Variants in DNER observed in about 807,000 individuals in gnomAD.
DNER encodes delta and Notch-like epidermal growth factor-related receptor.
Under a neutral mutation model 78.2 loss-of-function variants are expected in DNER, and 33 were observed. That is an observed-to-expected ratio of 0.42 (90% CI 0.32 to 0.56). DNER has a LOEUF of 0.56. DNER is among the 20% of genes least tolerant of loss of function. The pLI is 0.11. For missense variants in DNER, 918 were observed against 975.3 expected, an observed-to-expected ratio of 0.94 and a Z score of 0.78; for synonymous variants, 417 against 384.8, an observed-to-expected ratio of 1.08 and a Z score of -0.98.
intron 1 of DNER, among the ~76,000 whole-genome samples, chr2:229,677,886 A>C (rs1020585697): frequency 6.6e-6 from 1 of 152,162 alleles, no homozygotes; most frequent in Non-Finnish European, 1.5e-5. Flanking sequence ...TCTGACTTTC[A>C]TATTATATAG....
chr2:229,517,497 C>T (rs932093945), intron 5 of DNER, among the ~76,000 whole-genome samples: 6 of 152,144 alleles, frequency 3.9e-5, no homozygotes, highest in Admixed American at 2.0e-4. Flanking sequence ...TGGAGGCATC[C>T]GAGGAAAGGT....
At chr2:229,629,125 A>G (rs566932541) in intron 1 of DNER, among the ~76,000 whole-genome samples, 150 of 152,298 alleles carry the variant, frequency 9.8e-4, no homozygotes, top group Non-Finnish European at 1.7e-3. Context: ...AAATTTGCCA[A>G]TTTAGTAACT....
chr2:229,501,483 T>C (rs1695622875), intron 6 of DNER, among the ~76,000 whole-genome samples: 1 of 151,900 alleles, frequency 6.6e-6, no homozygotes, highest in Non-Finnish European at 1.5e-5. Context: ...AGCAAAAATG[T>C]CAAAAAATTT....
intron 8 of DNER, among the ~76,000 whole-genome samples, chr2:229,425,554 C>T (rs1459838166): frequency 6.6e-6 from 1 of 151,230 alleles, no homozygotes; most frequent in Non-Finnish European, 1.5e-5. Context: ...AAAGGCAAAG[C>T]CTTCCATGGC....
chr2:229,558,061 G>A (rs1696885752), intron 4 of DNER, among the ~76,000 whole-genome samples: 1 of 152,184 alleles, frequency 6.6e-6, no homozygotes, highest in African/African-American at 2.4e-5. Flanking sequence ...AAAAGAATGA[G>A]ATCATGTCCT....
intron 7 of DNER, among the ~76,000 whole-genome samples, chr2:229,467,833 G>GA (rs1159781121): frequency 6.6e-6 from 1 of 151,628 alleles, no homozygotes; most frequent in Non-Finnish European, 1.5e-5. Context: ...AATCTGACAA[G>GA]AAAAAAAATA....
intron 6 of DNER, among the ~76,000 whole-genome samples, chr2:229,502,223 T>C (rs1038700091): frequency 6.6e-6 from 1 of 152,116 alleles, no homozygotes; most frequent in Non-Finnish European, 1.5e-5. Context: ...AACCCATCAG[T>C]GCCCATCAGA....
intron 7 of DNER, among the ~76,000 whole-genome samples, chr2:229,468,291 T>A (rs1219459379): frequency 6.6e-6 from 1 of 152,210 alleles, no homozygotes; most frequent in African/African-American, 2.4e-5. Context: ...TTTGCAGGAT[T>A]AACAAATTAG....
At chr2:229,624,531 C>T (rs1456710224) in intron 1 of DNER, among the ~76,000 whole-genome samples, 1 of 151,742 alleles carries the variant, frequency 6.6e-6, no homozygotes, top group Admixed American at 6.6e-5. Context: ...CTTTAAGAGA[C>T]TTTCCAAACT....
At chr2:229,628,956 T>C (rs906184448) in intron 1 of DNER, among the ~76,000 whole-genome samples, 1 of 152,186 alleles carries the variant, frequency 6.6e-6, no homozygotes, top group Admixed American at 6.5e-5. Flanking sequence ...TGTTTAAAAA[T>C]ACCAACACCC....
Position 229,585,944 on chromosome 2 carries a change from T to C in DNER, c.761A>G (p.Asp254Gly), listed in dbSNP as rs752233242. ...ATGFQQCSLIDGRSVTPLQAS... is the reference protein window; with the variant it reads ...ATGFQQCSLIGGRSVTPLQAS... ...CTGAAGGGGGGTCACACTTCGTCCA[T>C]CTATGAGGGAGCACTGTTGGAATCC... is the stretch of plus-strand genomic sequence containing the variant. The change falls in exon 4 of 13, where the codon GAT becomes GGT. Residue 254 changes from aspartate (D) to glycine (G), a missense_variant. Asp to Gly is a moderately conservative substitution (Grantham distance 94). Coordinates refer to ENST00000341772, the MANE Select transcript of DNER (RefSeq NM_139072.4). 2 of 1,614,108 alleles carry C rather than the reference T, an allele frequency of 1.2e-6. No homozygotes were observed.
At chr2:229,502,346 G>A (rs918822870) in intron 6 of DNER, among the ~76,000 whole-genome samples, 11 of 152,190 alleles carry the variant, frequency 7.2e-5, no homozygotes, top group Admixed American at 2.0e-4. Flanking sequence ...GGATATGGGG[G>A]CACCGCAGCA....
intron 7 of DNER, among the ~76,000 whole-genome samples, chr2:229,462,611 T>TA (rs1196289412): frequency 1.3e-5 from 2 of 152,154 alleles, no homozygotes; most frequent in African/African-American, 4.8e-5. Flanking sequence ...GCTCCCATTA[T>TA]AACAGTTTTC....
chr2:229,373,925 G>T (rs1692545109), intron 11 of DNER, among the ~76,000 whole-genome samples: 1 of 152,190 alleles, frequency 6.6e-6, no homozygotes, highest in Non-Finnish European at 1.5e-5. Context: ...AGCAGTTTGG[G>T]AGACCGAAGT....
intron 1 of DNER, among the ~76,000 whole-genome samples, chr2:229,694,170 G>A (rs1159467537): frequency 6.6e-6 from 1 of 152,238 alleles, no homozygotes; most frequent in African/African-American, 2.4e-5. Flanking sequence ...GCCTGTGGGT[G>A]CACAGAAGTC....
At chr2:229,641,756 C>T (rs1402694841) in intron 1 of DNER, among the ~76,000 whole-genome samples, 1 of 152,082 alleles carries the variant, frequency 6.6e-6, no homozygotes, top group African/African-American at 2.4e-5. Flanking sequence ...ATGAAGACAA[C>T]CCTCTGGGAC....
chr2:229,697,443 C>T (rs73097208), intron 1 of DNER, among the ~76,000 whole-genome samples: 1 of 152,106 alleles, frequency 6.6e-6, no homozygotes, highest in Non-Finnish European at 1.5e-5. Flanking sequence ...CAAAATGCCA[C>T]TAAAAGGTTC....
chr2:229,608,681 C>T (rs529943348), intron 1 of DNER, among the ~76,000 whole-genome samples: 8 of 152,282 alleles, frequency 5.3e-5, no homozygotes, highest in African/African-American at 1.9e-4. Context: ...TGAAAGCTTA[C>T]AACCCAACTT....
intron 8 of DNER, among the ~76,000 whole-genome samples, chr2:229,428,279 G>A (rs915664268): frequency 3.9e-5 from 6 of 151,974 alleles, no homozygotes; most frequent in Non-Finnish European, 8.8e-5. Flanking sequence ...TGCTGCAATC[G>A]TCTCGGGAAA....
Sources: allele counts gnomAD v4.1 joint callset (sites outside exome capture counted in the v4.1 genomes callset), GRCh38; gene constraint gnomAD v4.1.1; transcripts MANE v1.5; gene names NCBI Gene and HGNC (gene_info 2026-07-23, HGNC 2026-07-21).